Variants in CCDC61 observed in about 807,000 individuals in gnomAD.
CCDC61 encodes centrosomal protein CCDC61.
In CCDC61, 55 loss-of-function variants were observed where a neutral mutation model predicts 63.0. The observed-to-expected ratio is 0.87, with a 90% CI of 0.70 to 1.09. The LOEUF is 1.09. Among genes scored for constraint, CCDC61 ranks in the 50% least tolerant of loss-of-function variants. The pLI, the probability that CCDC61 is intolerant of heterozygous loss-of-function variation, is 0.00. For missense variants in CCDC61, 651 were observed against 731.4 expected (o/e 0.89, Z 1.27); for synonymous variants, 270 against 317.0 (o/e 0.85, Z 1.58).
At position 46,018,135 on chromosome 19, in the gene CCDC61, T is replaced by C; in HGVS notation, c.1426T>C (p.Trp476Arg). 1 of 1,607,964 alleles carries C rather than the reference T, an allele frequency of 6.2e-7. No individual in the cohort carries two copies. ...HQKSLANSGG[W>R]VPIKEYSSEH... ...GAAATCTCTGGCCAACTCCGGGGGC[T>C]GGGTCCCCATCAAAGGTGAGCCTGG... Residue 476 changes from tryptophan to arginine, a missense_variant, in exon 13 of 14, where the codon TGG (tryptophan) becomes CGG (arginine). Physicochemically the swap from Trp to Arg is moderately radical, Grantham distance 101. Transcript: ENST00000595358. The surrounding 1 kb of genome is among the most constrained non-coding windows in gnomAD (Gnocchi z 4.2).
In CCDC61 at chr19:46,002,589, G is replaced by A. The variant is rs991832062; in HGVS notation, c.-11-419G>A. ...CACCACCACACCTGGCAATTTTTTT[G>A]TATTTTTAGTAGAGGTGGGGTTTCA... On this transcript the variant is annotated intron_variant, in intron 1 of 13. Transcript: ENST00000595358. Among the ~76,000 whole-genome samples, 4 of 151,636 alleles carry A rather than the reference G, an allele frequency of 2.6e-5. No individual in the cohort carries two copies. The East Asian group carries it at 7.8e-4, about 30-fold the overall frequency.
Position 46,018,476 on chromosome 19 carries a change from C to A in CCDC61, c.*89C>A. On this transcript the variant is annotated 3_prime_UTR_variant, in exon 14 of 14. Coordinates refer to ENST00000595358, the MANE Select transcript of CCDC61 (RefSeq NM_001267723.2). This position sits in a 1 kb window ranked among gnomAD's most constrained non-coding sequence, Gnocchi z 4.2. ...GGCCAGGGTGGCCTCCAGCCCTGCC[C>A]AGTCCCTGCCCTGGCCCCGTCCCTC... The A allele has an allele frequency of 9.5e-7, 1 of 1,050,520 alleles. No individual in the cohort carries two copies. The highest frequency in any genetic ancestry group is 1.4e-6 in the Non-Finnish European group (1 of 708,016). 65.1% of individuals were successfully genotyped at this position (1,050,520 alleles called of 1,614,324 possible). A position where few individuals can be genotyped will look rare whatever the true frequency, so the allele number is the denominator to read the frequency against.
At chr19:45,999,908 A>G (rs980565593) in intron 1 of CCDC61, 2 of 451,930 alleles carry the variant, frequency 4.4e-6, no homozygotes, top group African/African-American at 4.3e-5. Context: ...TGGGTTGGTG[A>G]GGGCGGGGCC....
chr19:46,018,608 C>T lies in CCDC61; in HGVS notation c.*221C>T. On this transcript the variant is annotated 3_prime_UTR_variant, in exon 14 of 14. Transcript: ENST00000595358. This position sits in a 1 kb window ranked among gnomAD's most constrained non-coding sequence, Gnocchi z 4.2. ...TGCATTTTGTAAATAAACATATTTGCCCTGGGGACCCCTCAGCTTATGACT... is the reference window on the plus strand; with the variant it reads ...TGCATTTTGTAAATAAACATATTTGTCCTGGGGACCCCTCAGCTTATGACT... 2.0e-6 allele frequency: 1 copy of T among 503,842 alleles called. No homozygotes were observed. Among genetic ancestry groups the T allele is most frequent in the Non-Finnish European group, 3.6e-6 (1 of 276,132 alleles). 31.2% of individuals were successfully genotyped at this position (503,842 alleles called of 1,614,324 possible).
chr19:46,015,093 T>C lies in CCDC61; in HGVS notation c.596T>C (p.Leu199Pro). The C allele has an allele frequency of 7.2e-7, 1 of 1,392,466 alleles. No homozygotes were observed. The highest frequency in any genetic ancestry group is 9.3e-7 in the Non-Finnish European group (1 of 1,073,848). 86.3% of individuals were successfully genotyped at this position (1,392,466 alleles called of 1,614,324 possible). Residue 199 changes from leucine to proline, a missense_variant, in exon 6 of 14, where the codon CTG (leucine) becomes CCG (proline). Physicochemically the swap from Leu to Pro is moderately conservative, Grantham distance 98 (BLOSUM62 -3). Coordinates refer to ENST00000595358, the MANE Select transcript of CCDC61 (RefSeq NM_001267723.2). The surrounding 1 kb of genome is among the most constrained non-coding windows in gnomAD (Gnocchi z 5.3). ...GAGAAGCGGGAGCTGGAGGCGCAGC[T>C]GGGCCGATCGCGCGAGGAGGCGCTG... ...ASEKRELEAQ[L>P]GRSREEALAG...
intron 1 of CCDC61, among the ~76,000 whole-genome samples, chr19:46,000,339 A>G (rs1019314960): frequency 6.6e-6 from 1 of 152,038 alleles, no homozygotes; most frequent in Non-Finnish European, 1.5e-5. Context: ...ATGCGGGAAG[A>G]ATGCAGTTGG....
chr19:46,009,806 GTGTGTGTGTA>G (rs535674652), intron 5 of CCDC61, among the ~76,000 whole-genome samples: 40,698 of 151,080 alleles, frequency 0.27, 5,703 homozygotes, highest in African/African-American at 0.33. Flanking sequence ...CTCAGGCTGT[GTGTGTGTGTA>G]TGTGTGTGTG....
chr19:46,017,681 C>A (rs1237494836), intron 12 of CCDC61, among the ~76,000 whole-genome samples: 1 of 152,088 alleles, frequency 6.6e-6, no homozygotes, highest in African/African-American at 2.4e-5. Context: ...GCTGGGCCAG[C>A]GCACCTGGCC....
intron 5 of CCDC61, among the ~76,000 whole-genome samples, chr19:46,014,424 G>C (rs1968885608): frequency 6.6e-6 from 1 of 152,106 alleles, no homozygotes; most frequent in African/African-American, 2.4e-5. Flanking sequence ...GCAGTCACTC[G>C]GTGACAGGAC....
chr19:46,010,609 G>T (rs1968810170), intron 5 of CCDC61, among the ~76,000 whole-genome samples: 1 of 152,238 alleles, frequency 6.6e-6, no homozygotes, highest in South Asian at 2.1e-4. Flanking sequence ...ATGGGCAGGG[G>T]CTGAATAGAA....
At chr19:46,011,569 C>G (rs1310943915) in intron 5 of CCDC61, among the ~76,000 whole-genome samples, 7 of 152,180 alleles carry the variant, frequency 4.6e-5, no homozygotes, top group African/African-American at 1.7e-4. Flanking sequence ...CCTGTACTTG[C>G]AGTGAAGTGG....
chr19:46,002,442 CT>C (rs57823044), intron 1 of CCDC61, among the ~76,000 whole-genome samples: 76 of 144,694 alleles, frequency 5.3e-4, no homozygotes, highest in Middle Eastern at 3.5e-3. Flanking sequence ...TCTTTTCTTT[CT>C]TTTTTTTTTT....
chr19:46,014,079 A>T (rs898156609), intron 5 of CCDC61, among the ~76,000 whole-genome samples: 2 of 152,098 alleles, frequency 1.3e-5, no homozygotes, highest in African/African-American at 4.8e-5. Context: ...ATATTTTTAT[A>T]GTTCCAAAAC....
chr19:46,015,416 G>T lies in CCDC61; in HGVS notation c.834G>T (p.Leu278Phe). ...AGACGCTGACCAGCGAGCTGGCATT[G>T]TACAAGAGGGGGTGAGAGCGAGGCC... The part of the protein sequence containing the change: ...RLKTLTSELA[L>F]YKRGRRTPPV... The change falls in exon 7 of 14, where the codon TTG becomes TTT. Residue 278 changes from leucine (L) to phenylalanine (F), a missense_variant. Leu to Phe is a conservative substitution (Grantham distance 22). Transcript: ENST00000595358. This position sits in a 1 kb window ranked among gnomAD's most constrained non-coding sequence, Gnocchi z 5.3. The T allele has an allele frequency of 6.2e-7, 1 of 1,600,008 alleles. No individual in the cohort carries two copies. Among genetic ancestry groups the T allele is most frequent in the Non-Finnish European group, 8.5e-7 (1 of 1,177,472 alleles).
chr19:46,017,942 C>A, intron 12 of CCDC61, 136 bp from the exon 13 acceptor site: 1 of 700,220 alleles, frequency 1.4e-6, no homozygotes, highest in Non-Finnish European at 2.4e-6. Flanking sequence ...GGTTATTTTG[C>A]AGATAATGAA....
intron 3 of CCDC61, among the ~76,000 whole-genome samples, chr19:46,005,567 C>G (rs960345436): frequency 6.6e-6 from 1 of 151,920 alleles, no homozygotes; most frequent in South Asian, 2.1e-4. Context: ...ATATCCTCAC[C>G]GATTTCCCCA....
At chr19:45,997,998 T>C (rs765010022) in intron 1 of CCDC61, among the ~76,000 whole-genome samples, 1 of 152,202 alleles carries the variant, frequency 6.6e-6, no homozygotes, top group Non-Finnish European at 1.5e-5. Flanking sequence ...TCACATCAAT[T>C]ACTGTTGGTT....
chr19:46,001,753 T>TG (rs904780990), intron 1 of CCDC61, among the ~76,000 whole-genome samples: 5 of 152,184 alleles, frequency 3.3e-5, no homozygotes, highest in African/African-American at 1.2e-4. Flanking sequence ...TGGATGGGCC[T>TG]GGGGGGTGGT....
rs1331255409 is a variant in CCDC61 at position 46,003,429 on chromosome 19, T to C, written c.159T>C (p.Asp53=). 1.9e-6 allele frequency: 3 copies of C among 1,613,402 alleles called. No homozygotes were observed. The highest frequency in any genetic ancestry group is 2.5e-6 in the Non-Finnish European group (3 of 1,179,650). Reference sequence around the variant, plus strand: ...TTTCTCCCCACCCAGTCATTGAAGATTTGACTCACAAGACAGGGAACTTCA... The same window carrying C: ...TTTCTCCCCACCCAGTCATTGAAGACTTGACTCACAAGACAGGGAACTTCA... ...RGEFDAGFIE[D]LTHKTGNFKQ... is the part of the protein sequence containing the mutation. The change falls in exon 3 of 14, where the codon GAT becomes GAC. Residue 53 remains aspartate, a synonymous_variant. Coordinates refer to ENST00000595358, the MANE Select transcript of CCDC61 (RefSeq NM_001267723.2).
Sources: gnomAD v4.1 joint callset for allele counts (sites outside exome capture counted in the v4.1 genomes callset) on GRCh38, gnomAD v4.1.1 for gene constraint, Gnocchi (gnomAD v3.1) non-coding constraint, MANE v1.5 for transcripts, NCBI Gene and HGNC (gene_info 2026-07-23, HGNC 2026-07-21) for gene names.